The following PADI4 variants were observed in gnomAD, a reference collection of about 807,000 sequenced individuals.
PADI4 encodes the protein peptidyl arginine deiminase 4.
Under a neutral mutation model 75.0 loss-of-function variants are expected in PADI4, and 62 were observed. The observed-to-expected ratio is 0.83, with a 90% CI of 0.67 to 1.02. PADI4 has a LOEUF of 1.02. Among genes scored for constraint, PADI4 ranks in the 50% least tolerant of loss-of-function variants. The pLI is 0.00. For synonymous variants in PADI4, 361 were observed against 348.1 expected, an observed-to-expected ratio of 1.04 and a Z score of -0.41; for missense variants, 845 against 850.5, an observed-to-expected ratio of 0.99 and a Z score of 0.08.
At chr1:17,330,935 G>T (rs1412609869) in intron 1 of PADI4, 34 bp from the exon 2 acceptor site, 3 of 1,458,108 alleles carry the variant, frequency 2.1e-6, no homozygotes, top group Admixed American at 2.6e-5. Flanking sequence ...CCTCCTCACT[G>T]CATCCTCTGC....
chr1:17,334,633 A>C (rs1555658), intron 3 of PADI4: 290,679 of 455,740 alleles, frequency 0.64, 93,683 homozygotes, highest in Non-Finnish European at 0.68. Context: ...TCAAATATCT[A>C]TAACAAAAAG....
chr1:17,358,152 G>C (rs1293796832), intron 13 of PADI4, among the ~76,000 whole-genome samples: 1 of 151,982 alleles, frequency 6.6e-6, no homozygotes, highest in Admixed American at 6.6e-5. Flanking sequence ...GGAGGCTGAG[G>C]CAGGAGAATC....
At position 17,340,045 on chromosome 1, in the gene PADI4, C is replaced by T. The variant is rs549158819; in HGVS notation, c.652+232C>T. 7.9e-3 allele frequency among the ~76,000 whole-genome samples: 619 copies of T among 78,542 alleles called. 2 individuals are homozygous for T. Among genetic ancestry groups the T allele is most frequent in the South Asian group, 0.032 (83 of 2,566 alleles). 51.5% of individuals were successfully genotyped at this position (78,542 alleles called of 152,430 possible). A position where few individuals can be genotyped will look rare whatever the true frequency, so the allele number is the denominator to read the frequency against. On this transcript the variant is annotated intron_variant, in intron 6 of 15. Coordinates refer to ENST00000375448, the MANE Select transcript of PADI4 (RefSeq NM_012387.3). ...CTTTTCTTTCTCTCTCTCTCACACA[C>T]GCGCGCGCACACACACACACACACA...
chr1:17,308,370 C>G (rs2073710367), intron 1 of PADI4, 56 bp downstream of exon 1: 19 of 1,339,158 alleles, frequency 1.4e-5, no homozygotes, highest in Non-Finnish European at 1.8e-5. Context: ...CTGGATGACC[C>G]AGTTCTACTG....
chr1:17,326,930 T>C (rs1202942919), intron 1 of PADI4, among the ~76,000 whole-genome samples: 1 of 135,636 alleles, frequency 7.4e-6, no homozygotes, highest in Non-Finnish European at 1.5e-5. Flanking sequence ...TGAGACACAG[T>C]CTCACCCTCT....
Position 17,331,121 on chromosome 1 carries a change from T to A in PADI4, c.245T>A (p.Val82Glu). Residue 82 changes from valine to glutamate, a missense_variant, in exon 2 of 16, where the codon GTG (valine) becomes GAG (glutamate). Physicochemically the swap from Val to Glu is moderately radical, Grantham distance 121. Coordinates refer to ENST00000375448, the MANE Select transcript of PADI4 (RefSeq NM_012387.3). ...GTAGAGGTGACCCTGACGATGAAAG[T>A]GGCCAGTGGTAGCACAGGCGACCAG... ...PGVEVTLTMK[V>E]ASGSTGDQKV... 1.2e-6 allele frequency: 2 copies of A among 1,610,986 alleles called. No individual in the cohort carries two copies. Among genetic ancestry groups the A allele is most frequent in the Non-Finnish European group, 1.7e-6 (2 of 1,178,786 alleles).
In PADI4 at chr1:17,308,462, C is replaced by T. The variant is rs541336601; in HGVS notation, c.92+148C>T. On this transcript the variant is annotated intron_variant, in intron 1 of 15. Transcript: ENST00000375448. The stretch of plus-strand genomic sequence containing the variant: ...AGGGGAGTAGCTGGAGAGAGAAGAC[C>T]CCAGCAGCCCTGGGAAGTGCCAGTC... 1.7e-5 allele frequency: 11 copies of T among 651,756 alleles called. No individual in the cohort carries two copies. The Admixed American group carries it at 1.8e-4, about 11-fold the overall frequency. The allele number at this position is 651,756 out of a possible 1,614,324, so 40.4% of individuals were successfully genotyped here.
intron 1 of PADI4, among the ~76,000 whole-genome samples, chr1:17,326,904 C>CTT (rs140721491): frequency 0.51 from 66,689 of 131,846 alleles, 17,241 homozygotes; most frequent in East Asian, 0.56. Flanking sequence ...GCCTTATATG[C>CTT]TTTTTTTTTT....
chr1:17,339,043 C>T (rs2100730141), intron 5 of PADI4, among the ~76,000 whole-genome samples: 1 of 152,298 alleles, frequency 6.6e-6, no homozygotes, highest in Non-Finnish European at 1.5e-5. Context: ...TTTATCTTCA[C>T]AACCATTCTA....
At chr1:17,323,768 G>T (rs1304762138) in intron 1 of PADI4, among the ~76,000 whole-genome samples, 1 of 152,022 alleles carries the variant, frequency 6.6e-6, no homozygotes, top group Admixed American at 6.6e-5. Flanking sequence ...AGGAGGCAGA[G>T]GTTGCAGTGA....
chr1:17,359,490 T>C (rs1570101982), intron 15 of PADI4, 82 bp downstream of exon 15: 1 of 1,587,492 alleles, frequency 6.3e-7, no homozygotes, highest in African/African-American at 1.3e-5. Context: ...ACCCGGGCGG[T>C]CCCAGAGGGC....
chr1:17,347,870 CCCCATCCTGGCG>C (rs1234585557), intron 9 of PADI4, 59 bp from the exon 10 acceptor site: 65 of 763,866 alleles, frequency 8.5e-5, no homozygotes, highest in Non-Finnish European at 1.3e-4. Context: ...GGTTTCATGC[CCCCATCCTGGCG>C]TCGGGCACCA....
chr1:17,348,560 G>C (rs1434687269), intron 10 of PADI4, among the ~76,000 whole-genome samples: 1 of 152,162 alleles, frequency 6.6e-6, no homozygotes, highest in African/African-American at 2.4e-5. Context: ...ACTCATGCTT[G>C]ACTAGCCTGG....
Position 17,356,263 on chromosome 1 carries a change from C to A in PADI4, c.1456-94C>A. 1.6e-6 allele frequency: 2 copies of A among 1,284,386 alleles called. No individual in the cohort carries two copies. The highest frequency in any genetic ancestry group is 1.4e-5 in the South Asian group (1 of 72,550). The allele number at this position is 1,284,386 out of a possible 1,614,324, so 79.6% of individuals were successfully genotyped here. ...AGTAGAGGAGGTGGCCAGCTTGGGT[C>A]CAAGTCCACACTACTCCCACCCTCA... is the stretch of plus-strand genomic sequence containing the variant. On this transcript the variant is annotated intron_variant, in intron 12 of 15. Coordinates refer to ENST00000375448, the MANE Select transcript of PADI4 (RefSeq NM_012387.3). The surrounding 1 kb of genome is among the most constrained non-coding windows in gnomAD (Gnocchi z 4.1).
chr1:17,353,201 C>G (rs920483584), intron 10 of PADI4, among the ~76,000 whole-genome samples: 7 of 152,050 alleles, frequency 4.6e-5, no homozygotes, highest in Non-Finnish European at 8.8e-5. Flanking sequence ...CAGTAGCTCA[C>G]ACCTATAATC....
intron 1 of PADI4, among the ~76,000 whole-genome samples, chr1:17,327,748 G>T (rs149638922): frequency 6.6e-6 from 1 of 151,782 alleles, no homozygotes; most frequent in African/African-American, 2.4e-5. Flanking sequence ...CTTTTGCCAC[G>T]TTGGCCAGGC....
intron 7 of PADI4, 54 bp downstream of exon 7, chr1:17,342,175 T>G (rs1435110161): frequency 6.4e-7 from 1 of 1,572,232 alleles, no homozygotes; most frequent in Non-Finnish European, 8.7e-7. Flanking sequence ...GGCAGTGGCC[T>G]GGCTAGGGAA....
chr1:17,324,258 G>A (rs2074083920), intron 1 of PADI4, among the ~76,000 whole-genome samples: 2 of 149,946 alleles, frequency 1.3e-5, no homozygotes, highest in South Asian at 4.3e-4. Context: ...CACCAATTGA[G>A]TGGGTATAAA....
intron 11 of PADI4, among the ~76,000 whole-genome samples, chr1:17,355,271 G>T (rs527746405): frequency 6.6e-6 from 1 of 152,332 alleles, no homozygotes; most frequent in South Asian, 2.1e-4. Context: ...ACAAGAAGAG[G>T]CTGGGCACAG....
Sources: allele counts gnomAD v4.1 joint callset (sites outside exome capture counted in the v4.1 genomes callset), GRCh38; gene constraint gnomAD v4.1.1; non-coding constraint Gnocchi (gnomAD v3.1); transcripts MANE v1.5; gene names NCBI Gene and HGNC (gene_info 2026-07-23, HGNC 2026-07-21).